The following LRRC26 variants were observed in gnomAD, a reference collection of about 807,000 sequenced individuals.
LRRC26 encodes the protein leucine rich repeat containing 26, also known as leucine-rich repeat-containing protein 26.
LRRC26 carries 17 observed loss-of-function variants against 15.3 expected under a neutral mutation model. The ratio of observed to expected loss-of-function variants is 1.11; its 90% confidence interval spans 0.76 to 1.66. The LOEUF (loss-of-function observed/expected upper bound fraction) is 1.66. LRRC26 is among the 40% of genes most tolerant of loss of function. LRRC26 has a pLI of 0.00. For synonymous variants in LRRC26, 301 were observed against 272.1 expected (o/e 1.11, Z -1.05); for missense variants, 573 against 501.0 (o/e 1.14, Z -1.37).
At position 137,169,461 on chromosome 9, in the gene LRRC26, C is replaced by A; in HGVS notation, c.483G>T (p.Ala161=). 6.6e-7 allele frequency: 1 copy of A among 1,516,644 alleles called. No individual in the cohort carries two copies. Among genetic ancestry groups the A allele is most frequent in the Non-Finnish European group, 8.8e-7 (1 of 1,140,864 alleles). 93.9% of individuals were successfully genotyped at this position (1,516,644 alleles called of 1,614,324 possible). A position where few individuals can be genotyped will look rare whatever the true frequency, so the allele number is the denominator to read the frequency against. ...GCAGCAGCGGGAGCGCGCCTAGCGCCGCGGGCTCCAGGCGCGCCAGCCGGT... is the reference window on the plus strand; with the variant it reads ...GCAGCAGCGGGAGCGCGCCTAGCGCAGCGGGCTCCAGGCGCGCCAGCCGGT... The part of the protein sequence containing the change: ...AGNRLARLEP[A]ALGALPLLRS... Residue 161 remains alanine (A), a synonymous_variant, in exon 1 of 2, where the codon GCG becomes GCT. Transcript: ENST00000371542.
At position 137,169,189 on chromosome 9, in the gene LRRC26, T is replaced by G. The variant is rs764876718; in HGVS notation, c.674-4A>C. The stretch of plus-strand genomic sequence containing the variant: ...ACGCAGAGCACCGTCTCGGCCTCTG[T>G]GGGACACAGACAAAGGCGCGGCGTC... On this transcript the variant is annotated splice_polypyrimidine_tract_variant and splice_region_variant and intron_variant, in intron 1 of 1. Transcript: ENST00000371542. 8.9e-6 allele frequency: 13 copies of G among 1,462,322 alleles called. No homozygotes were observed. The highest frequency in any genetic ancestry group is 1.1e-5 in the Non-Finnish European group (12 of 1,112,032). The allele number at this position is 1,462,322 out of a possible 1,614,324, so 90.6% of individuals were successfully genotyped here. A position where few individuals can be genotyped will look rare whatever the true frequency, so the allele number is the denominator to read the frequency against.
Position 137,169,850 on chromosome 9 carries a change from C to G in LRRC26, c.94G>C (p.Ala32Pro). ...WPVWAQVSATASPSGSLGAPD... is the reference protein window; with the variant it reads ...WPVWAQVSATPSPSGSLGAPD... The stretch of plus-strand genomic sequence containing the variant: ...GCGCCCAGGGACCCCGAGGGCGAGG[C>G]CGTGGCCGACACCTGGGCCCAGACA... Residue 32 changes from alanine to proline, a missense_variant, in exon 1 of 2, where the codon GCC becomes CCC. Transcript: ENST00000371542. 1 of 1,470,726 alleles carries G rather than the reference C, an allele frequency of 6.8e-7. No homozygotes were observed. The highest frequency in any genetic ancestry group is 8.9e-7 in the Non-Finnish European group (1 of 1,121,396). The allele number at this position is 1,470,726 out of a possible 1,614,324, so 91.1% of individuals were successfully genotyped here. A position where few individuals can be genotyped will look rare whatever the true frequency, so the allele number is the denominator to read the frequency against.
In LRRC26 at chr9:137,169,836, C is replaced by T. The variant is rs1426079120; in HGVS notation, c.108G>A (p.Gly36=). 2.7e-6 allele frequency: 4 copies of T among 1,458,502 alleles called. No individual in the cohort carries two copies. Among genetic ancestry groups the T allele is most frequent in the Admixed American group, 2.8e-5 (1 of 36,346 alleles). 90.3% of individuals were successfully genotyped at this position (1,458,502 alleles called of 1,614,324 possible). A position where few individuals can be genotyped will look rare whatever the true frequency, so the allele number is the denominator to read the frequency against. Residue 36 remains glycine, a synonymous_variant, in exon 1 of 2, where the codon GGG becomes GGA. Coordinates refer to ENST00000371542, the MANE Select transcript of LRRC26 (RefSeq NM_001013653.3). The stretch of plus-strand genomic sequence containing the variant: ...CGGGGCAGTCCGGGGCGCCCAGGGA[C>T]CCCGAGGGCGAGGCCGTGGCCGACA... The part of the protein sequence containing the change: ...AQVSATASPS[G]SLGAPDCPEV...
Position 137,169,372 on chromosome 9 carries a change from G to A in LRRC26, c.572C>T (p.Pro191Leu). The change falls in exon 1 of 2, where the codon CCC (proline) becomes CTC (leucine). Residue 191 changes from proline (P) to leucine (L), a missense_variant. Coordinates refer to ENST00000371542, the MANE Select transcript of LRRC26 (RefSeq NM_001013653.3). ...GCGCAGGTGCAGCGCGTCTAGAGCG[G>A]GCAGGCGGCCCAGCAGCCCCGGCGC... ...ALAPGLLGRL[P>L]ALDALHLRGN... The A allele has an allele frequency of 6.7e-7, 1 of 1,485,220 alleles. No homozygotes were observed. The highest frequency in any genetic ancestry group is 8.9e-7 in the Non-Finnish European group (1 of 1,126,938). 92.0% of individuals were successfully genotyped at this position (1,485,220 alleles called of 1,614,324 possible).
At position 137,169,542 on chromosome 9, in the gene LRRC26, C is replaced by T. The variant is rs1189349845; in HGVS notation, c.402G>A (p.Leu134=). 6.6e-7 allele frequency: 1 copy of T among 1,524,694 alleles called. No individual in the cohort carries two copies. 94.4% of individuals were successfully genotyped at this position (1,524,694 alleles called of 1,614,324 possible). A position where few individuals can be genotyped will look rare whatever the true frequency, so the allele number is the denominator to read the frequency against. The change falls in exon 1 of 2, where the codon CTG becomes CTA. Residue 134 remains leucine (L), a synonymous_variant. Coordinates refer to ENST00000371542, the MANE Select transcript of LRRC26 (RefSeq NM_001013653.3). ...LDLSANQLEA[L]APGTFAPLRA... ...GCAGCGGCGCGAAAGTCCCTGGTGC[C>T]AGTGCTTCCAGCTGGTTGGCGCTCA...
chr9:137,169,952 C>G lies in LRRC26; in HGVS notation c.-9G>C, dbSNP rs965425138. The G allele has an allele frequency of 5.0e-6, 7 of 1,403,604 alleles. No homozygotes were observed. The highest frequency in any genetic ancestry group is 6.4e-6 in the Non-Finnish European group (7 of 1,090,950). 86.9% of individuals were successfully genotyped at this position (1,403,604 alleles called of 1,614,324 possible). On this transcript the variant is annotated 5_prime_UTR_variant, in exon 1 of 2. Coordinates refer to ENST00000371542, the MANE Select transcript of LRRC26 (RefSeq NM_001013653.3). ...CAGGAAGGGCCCCGCATGGGGGCAGCCCCCCCGCCCCCGGCACCCGCGGTG... is the reference window on the plus strand; with the variant it reads ...CAGGAAGGGCCCCGCATGGGGGCAGGCCCCCCGCCCCCGGCACCCGCGGTG...
chr9:137,169,420 T>G lies in LRRC26; in HGVS notation c.524A>C (p.Gln175Pro). The change falls in exon 1 of 2, where the codon CAG becomes CCG. Residue 175 changes from glutamine (Q) to proline (P), a missense_variant. By Grantham distance (76) the Gln-to-Pro change is moderately conservative. Transcript: ENST00000371542. ...ALPLLRSLSL[Q>P]DNELAALAPG... ...CGCGAGTGCCGCCAGCTCGTTGTCC[T>G]GCAGGCTGAGTGAGCGCAGCAGCGG... 3.3e-6 allele frequency: 5 copies of G among 1,516,338 alleles called. No individual in the cohort carries two copies. The highest frequency in any genetic ancestry group is 4.4e-6 in the Non-Finnish European group (5 of 1,141,406). The allele number at this position is 1,516,338 out of a possible 1,614,324, so 93.9% of individuals were successfully genotyped here.
Position 137,168,878 on chromosome 9 carries a change from G to A in LRRC26, c.981C>T (p.Ser327=). The stretch of plus-strand genomic sequence containing the variant: ...CTCAGGCTTGGGCGGCAGCGGCGGG[G>A]CTCCCCGGGTCCGCGGGCGAGGCAC... The part of the protein sequence containing the change: ...HGCASPADPG[S]PAAAAQA Residue 327 remains serine, a synonymous_variant, in exon 2 of 2, where the codon AGC becomes AGT. Coordinates refer to ENST00000371542, the MANE Select transcript of LRRC26 (RefSeq NM_001013653.3). 8.0e-7 allele frequency: 1 copy of A among 1,253,622 alleles called. No homozygotes were observed. The highest frequency in any genetic ancestry group is 1.0e-6 in the Non-Finnish European group (1 of 1,004,104). The allele number at this position is 1,253,622 out of a possible 1,614,324, so 77.7% of individuals were successfully genotyped here.
Position 137,169,969 on chromosome 9 carries a change from C to T in LRRC26, c.-26G>A, listed in dbSNP as rs912387712. 2 of 1,393,742 alleles carry T rather than the reference C, an allele frequency of 1.4e-6. No individual in the cohort carries two copies. Among genetic ancestry groups the T allele is most frequent in the Non-Finnish European group, 1.8e-6 (2 of 1,085,516 alleles). 86.3% of individuals were successfully genotyped at this position (1,393,742 alleles called of 1,614,324 possible). ...GGGGGCAGCCCCCCCGCCCCCGGCA[C>T]CCGCGGTGGGAGGCCCGCTGCCTGT... On this transcript the variant is annotated 5_prime_UTR_variant, in exon 1 of 2. In the 5' UTR this introduces an upstream ATG that the reference lacks. Coordinates refer to ENST00000371542, the MANE Select transcript of LRRC26 (RefSeq NM_001013653.3).
chr9:137,169,335 C>A lies in LRRC26; in HGVS notation c.609G>T (p.Trp203Cys). 2 of 1,457,348 alleles carry A rather than the reference C, an allele frequency of 1.4e-6. No individual in the cohort carries two copies. Among genetic ancestry groups the A allele is most frequent in the Non-Finnish European group, 1.8e-6 (2 of 1,114,162 alleles). The allele number at this position is 1,457,348 out of a possible 1,614,324, so 90.3% of individuals were successfully genotyped here. ...GCGGGCGCAGCGCGCACCCGCAGCC[C>A]CAAGGGTTGCCGCGCAGGTGCAGCG... ...LDALHLRGNP[W>C]GCGCALRPLC... The change falls in exon 1 of 2, where the codon TGG (tryptophan) becomes TGT (cysteine). Residue 203 changes from tryptophan (W) to cysteine (C), a missense_variant. Physicochemically the swap from Trp to Cys is radical, Grantham distance 215. Transcript: ENST00000371542.
rs1834017255 is a variant in LRRC26 at position 137,168,933 on chromosome 9, T to G, written c.926A>C (p.Asp309Ala). The G allele has an allele frequency of 7.2e-7, 1 of 1,387,004 alleles. No homozygotes were observed. The highest frequency in any genetic ancestry group is 9.3e-7 in the Non-Finnish European group (1 of 1,078,330). 85.9% of individuals were successfully genotyped at this position (1,387,004 alleles called of 1,614,324 possible). A position where few individuals can be genotyped will look rare whatever the true frequency, so the allele number is the denominator to read the frequency against. The change falls in exon 2 of 2, where the codon GAC (aspartate) becomes GCC (alanine). Residue 309 changes from aspartate (D) to alanine (A), a missense_variant. Transcript: ENST00000371542. ...TAALRPPRPP[D>A]PNPDPDPHGC... ...GTGGGGGTCGGGATCGGGGTTCGGG[T>G]CTGGCGGTCTCGGCGGGCGGAGGGC... is the stretch of plus-strand genomic sequence containing the variant.
In LRRC26 at chr9:137,169,490, C is replaced by G. The variant is rs1242397522; in HGVS notation, c.454G>C (p.Gly152Arg). 4 of 1,521,526 alleles carry G rather than the reference C, an allele frequency of 2.6e-6. 1 individual carries two copies. The South Asian group carries it at 3.6e-5, about 14-fold the overall frequency. 94.3% of individuals were successfully genotyped at this position (1,521,526 alleles called of 1,614,324 possible). The part of the protein sequence containing the change: ...LRALRNLSLA[G>R]NRLARLEPAA... The stretch of plus-strand genomic sequence containing the variant: ...GGCTCCAGGCGCGCCAGCCGGTTGC[C>G]GGCCAATGAGAGGTTGCGCAGCGCG... Residue 152 changes from glycine (G) to arginine (R), a missense_variant, in exon 1 of 2, where the codon GGC (glycine) becomes CGC (arginine). Physicochemically the swap from Gly to Arg is moderately radical, Grantham distance 125. Coordinates refer to ENST00000371542, the MANE Select transcript of LRRC26 (RefSeq NM_001013653.3).
chr9:137,169,375 AG>A lies in LRRC26; in HGVS notation c.568del (p.Leu190CysfsTer4). The stretch of plus-strand genomic sequence containing the variant: ...CAGGTGCAGCGCGTCTAGAGCGGGC[AG>A]GCGGCCCAGCAGCCCCGGCGCGAGT... ...AALAPGLLGR[L>X]PALDALHLRG... On this transcript the variant is annotated frameshift_variant, in exon 1 of 2. Transcript: ENST00000371542. LOFTEE classifies it high-confidence loss of function. 1 of 1,486,808 alleles carries A rather than the reference AG, an allele frequency of 6.7e-7. No individual in the cohort carries two copies. The highest frequency in any genetic ancestry group is 1.5e-5 in the African/African-American group (1 of 68,442). 92.1% of individuals were successfully genotyped at this position (1,486,808 alleles called of 1,614,324 possible).
chr9:137,169,040 GA>G lies in LRRC26; in HGVS notation c.818del (p.Phe273SerfsTer?). The G allele has an allele frequency of 6.5e-7, 1 of 1,536,502 alleles. No homozygotes were observed. Among genetic ancestry groups the G allele is most frequent in the Admixed American group, 2.0e-5 (1 of 49,622 alleles). On this transcript the variant is annotated frameshift_variant, in exon 2 of 2. Transcript: ENST00000371542. LOFTEE classifies it low-confidence loss of function (END_TRUNC). ...AVVYTLGPAS[F>X]LVSLASCLAL... Reference sequence around the variant, plus strand: ...CCAGGCAGGAAGCCAGGCTGACGAGGAAGGAGGCCGGCCCGAGCGTGTAAAC... The same window carrying G: ...CCAGGCAGGAAGCCAGGCTGACGAGGAGGAGGCCGGCCCGAGCGTGTAAAC...
At position 137,168,925 on chromosome 9, in the gene LRRC26, G is replaced by T. The variant is rs75445596; in HGVS notation, c.934C>A (p.Pro312Thr). 1 of 1,363,678 alleles carries T rather than the reference G, an allele frequency of 7.3e-7. No individual in the cohort carries two copies. The allele number at this position is 1,363,678 out of a possible 1,614,324, so 84.5% of individuals were successfully genotyped here. A position where few individuals can be genotyped will look rare whatever the true frequency, so the allele number is the denominator to read the frequency against. ...LRPPRPPDPN[P>T]DPDPHGCASP... ...GCACAGCCGTGGGGGTCGGGATCGG[G>T]GTTCGGGTCTGGCGGTCTCGGCGGG... Residue 312 changes from proline to threonine, a missense_variant, in exon 2 of 2, where the codon CCC (proline) becomes ACC (threonine). Transcript: ENST00000371542.
At position 137,169,345 on chromosome 9, in the gene LRRC26, C is replaced by T. The variant is rs567591820; in HGVS notation, c.599G>A (p.Gly200Asp). ...CGCGCACCCGCAGCCCCAAGGGTTG[C>T]CGCGCAGGTGCAGCGCGTCTAGAGC... The part of the protein sequence containing the change: ...LPALDALHLR[G>D]NPWGCGCALR... The change falls in exon 1 of 2, where the codon GGC becomes GAC. Residue 200 changes from glycine (G) to aspartate (D), a missense_variant. Physicochemically the swap from Gly to Asp is moderately conservative, Grantham distance 94 (BLOSUM62 -1). Coordinates refer to ENST00000371542, the MANE Select transcript of LRRC26 (RefSeq NM_001013653.3). 3.7e-4 allele frequency: 547 copies of T among 1,460,080 alleles called. 2 individuals carry two copies. The East Asian group carries it at 9.7e-3, about 26-fold the overall frequency. 90.4% of individuals were successfully genotyped at this position (1,460,080 alleles called of 1,614,324 possible).
At position 137,168,981 on chromosome 9, in the gene LRRC26, C is replaced by A; in HGVS notation, c.878G>T (p.Arg293Leu). ...LGSGLTACRA[R>L]RRRLRTAALR... The stretch of plus-strand genomic sequence containing the variant: ...GGCGGCGGTGCGGAGGCGGCGGCGG[C>A]GCGCACGGCAGGCGGTGAGCCCAGA... Residue 293 changes from arginine to leucine, a missense_variant, in exon 2 of 2, where the codon CGC (arginine) becomes CTC (leucine). Arg to Leu is a moderately radical substitution (Grantham distance 102, BLOSUM62 -2). Transcript: ENST00000371542. 1 of 1,437,886 alleles carries A rather than the reference C, an allele frequency of 7.0e-7. No individual in the cohort carries two copies. Among genetic ancestry groups the A allele is most frequent in the Non-Finnish European group, 9.1e-7 (1 of 1,101,730 alleles). 89.1% of individuals were successfully genotyped at this position (1,437,886 alleles called of 1,614,324 possible). A position where few individuals can be genotyped will look rare whatever the true frequency, so the allele number is the denominator to read the frequency against.
At position 137,169,900 on chromosome 9, in the gene LRRC26, A is replaced by C; in HGVS notation, c.44T>G (p.Leu15Arg). 1 of 1,468,224 alleles carries C rather than the reference A, an allele frequency of 6.8e-7. No individual in the cohort carries two copies. Among genetic ancestry groups the C allele is most frequent in the Non-Finnish European group, 9.0e-7 (1 of 1,116,894 alleles). The allele number at this position is 1,468,224 out of a possible 1,614,324, so 90.9% of individuals were successfully genotyped here. A position where few individuals can be genotyped will look rare whatever the true frequency, so the allele number is the denominator to read the frequency against. The change falls in exon 1 of 2, where the codon CTG becomes CGG. Residue 15 changes from leucine (L) to arginine (R), a missense_variant. Coordinates refer to ENST00000371542, the MANE Select transcript of LRRC26 (RefSeq NM_001013653.3). ...SWSRPRPLLL[L>R]LLLLSPWPVW... ...AGGCCAAGGCGACAGCAGCAGCAAC[A>C]GCAGCAGCAGCGGCCGAGGCCGCGA...
In LRRC26 at chr9:137,169,051, G is replaced by T; in HGVS notation, c.808C>A (p.Pro270Thr). The stretch of plus-strand genomic sequence containing the variant: ...GCCAGGCTGACGAGGAAGGAGGCCG[G>T]CCCGAGCGTGTAAACCACGGCCAGG... ...RDLAVVYTLG[P>T]ASFLVSLASC... is the part of the protein sequence containing the mutation. The change falls in exon 2 of 2, where the codon CCG (proline) becomes ACG (threonine). Residue 270 changes from proline (P) to threonine (T), a missense_variant. Transcript: ENST00000371542. The T allele has an allele frequency of 6.5e-7, 1 of 1,545,834 alleles. No homozygotes were observed. Among genetic ancestry groups the T allele is most frequent in the Non-Finnish European group, 8.7e-7 (1 of 1,153,256 alleles).
Sources: allele counts gnomAD v4.1 joint callset, GRCh38; gene constraint gnomAD v4.1.1; transcripts MANE v1.5; gene names NCBI Gene and HGNC (gene_info 2026-07-23, HGNC 2026-07-21).